Variants in SYNCRIP observed in about 807,000 individuals in gnomAD.
SYNCRIP encodes the protein heterogeneous nuclear ribonucleoprotein Q.
A neutral mutation model predicts 68.9 loss-of-function variants in SYNCRIP; 9 were observed. The observed-to-expected ratio is 0.13, with a 90% confidence interval of 0.08 to 0.23. SYNCRIP has a LOEUF of 0.23. SYNCRIP is among the 10% of genes least tolerant of loss of function. The pLI, the probability that SYNCRIP is intolerant of heterozygous loss-of-function variation, is 1.00. For synonymous variants in SYNCRIP, 258 were observed against 254.0 expected (o/e 1.02, Z -0.15); for missense variants, 414 against 770.6 (o/e 0.54, Z 5.48).
intron 10 of SYNCRIP, among the ~76,000 whole-genome samples, chr6:85,618,490 G>T (rs144964552): frequency 6.6e-6 from 1 of 152,094 alleles, no homozygotes; most frequent in East Asian, 1.9e-4. Flanking sequence ...CCAGTGAGCC[G>T]AAAGAGTGCC....
intron 6 of SYNCRIP, among the ~76,000 whole-genome samples, chr6:85,633,284 A>G (rs1808040270): frequency 6.8e-6 from 1 of 148,136 alleles, no homozygotes; most frequent in Non-Finnish European, 1.5e-5. Context: ...AAATAAATAA[A>G]TAAATAAAAT....
At position 85,626,021 on chromosome 6, in the gene SYNCRIP, A is replaced by C. The variant is rs150440841; in HGVS notation, c.667-1909T>G. 2.1e-3 allele frequency among the ~76,000 whole-genome samples: 323 copies of C among 152,328 alleles called. 1 individual carries two copies. The highest frequency in any genetic ancestry group is 3.1e-3 in the Non-Finnish European group (211 of 68,020). On this transcript the variant is annotated intron_variant, in intron 6 of 10. Transcript: ENST00000369622. Reference sequence around the variant, plus strand: ...GACAGCCTGTCACAAAGAATTATCTAGTCTAAAAGATCAGCAGTGCTGAGG... The same window carrying C: ...GACAGCCTGTCACAAAGAATTATCTCGTCTAAAAGATCAGCAGTGCTGAGG...
At chr6:85,627,992 G>C (rs1357521258) in intron 6 of SYNCRIP, among the ~76,000 whole-genome samples, 1 of 152,130 alleles carries the variant, frequency 6.6e-6, no homozygotes, top group Admixed American at 6.6e-5. Flanking sequence ...ATCCAGAAGA[G>C]GCTGCTTAGT....
intron 7 of SYNCRIP, among the ~76,000 whole-genome samples, chr6:85,623,579 A>AAAAAAAAAAC (rs1554184894): frequency 8.0e-6 from 1 of 125,756 alleles, no homozygotes; most frequent in Non-Finnish European, 1.8e-5. Context: ...AAAAAAAAAA[A>AAAAAAAAAAC]AAAACACTCT....
chr6:85,620,395 T>C (rs1292429603), intron 8 of SYNCRIP, among the ~76,000 whole-genome samples: 2 of 152,170 alleles, frequency 1.3e-5, no homozygotes, highest in African/African-American at 2.4e-5. Context: ...ACTTTAAATA[T>C]GTATTACTAA....
chr6:85,631,011 C>A (rs1180667838), intron 6 of SYNCRIP, among the ~76,000 whole-genome samples: 3 of 152,094 alleles, frequency 2.0e-5, no homozygotes, highest in Non-Finnish European at 4.4e-5. Flanking sequence ...TCAACCCCTA[C>A]GAAAGCAGAA....
At chr6:85,616,491 A>G (rs556964555) in intron 10 of SYNCRIP, among the ~76,000 whole-genome samples, 1 of 152,068 alleles carries the variant, frequency 6.6e-6, no homozygotes, top group South Asian at 2.1e-4. Context: ...ATACCTAGCC[A>G]ATTTTTATTT....
upstream of SYNCRIP, chr6:85,643,310 TTCTC>T (rs1425408052): frequency 6.6e-6 from 1 of 151,684 alleles, no homozygotes; most frequent in African/African-American, 2.4e-5. Context: ...GCTCCTCTCT[TTCTC>T]TCTCCCGCGC....
intron 6 of SYNCRIP, among the ~76,000 whole-genome samples, chr6:85,627,635 A>C (rs1006700183): frequency 3.3e-5 from 5 of 152,192 alleles, no homozygotes; most frequent in African/African-American, 1.2e-4. Flanking sequence ...AATACTAGTA[A>C]ACCCTAACTC....
At chr6:85,637,523 G>A (rs1365550224) in intron 4 of SYNCRIP, among the ~76,000 whole-genome samples, 167 bp from the exon 5 acceptor site, 1 of 152,146 alleles carries the variant, frequency 6.6e-6, no homozygotes, top group Admixed American at 6.5e-5. Context: ...ATGTGTACTT[G>A]TTATACTCCT....
chr6:85,614,787 TA>T lies in SYNCRIP; in HGVS notation c.1840del (p.Tyr614IlefsTer30). 6.2e-7 allele frequency: 1 copy of T among 1,609,254 alleles called. No homozygotes were observed. Among genetic ancestry groups the T allele is most frequent in the East Asian group, 2.2e-5 (1 of 44,868 alleles). On this transcript the variant is annotated frameshift_variant, in exon 11 of 11. Coordinates refer to ENST00000369622, the MANE Select transcript of SYNCRIP (RefSeq NM_006372.5). LOFTEE classifies it high-confidence loss of function. ...CCACTGTTGCCCAAAAGTATCCTGA[TA>T]AAACTCCTGGTTTTCAGATTTGTAA... ...YGYKSENQEF[Y>X]QDTFGQQWK
intron 6 of SYNCRIP, among the ~76,000 whole-genome samples, chr6:85,628,366 T>C (rs1242112099): frequency 1.3e-5 from 2 of 152,246 alleles, no homozygotes; most frequent in African/African-American, 4.8e-5. Context: ...TAAAGATTTC[T>C]TAATTATAAA....
chr6:85,620,148 A>C (rs1258806627), intron 8 of SYNCRIP, among the ~76,000 whole-genome samples: 3 of 152,212 alleles, frequency 2.0e-5, no homozygotes, highest in Non-Finnish European at 4.4e-5. Flanking sequence ...CGGGAGGCTG[A>C]AGCATGAGAA....
intron 4 of SYNCRIP, among the ~76,000 whole-genome samples, chr6:85,639,006 G>A (rs1169077828): frequency 6.6e-6 from 1 of 152,160 alleles, no homozygotes; most frequent in Non-Finnish European, 1.5e-5. Context: ...TCAAGAGATT[G>A]AGACCATCCC....
chr6:85,609,093 C>A (rs1178364332), downstream of SYNCRIP: 1 of 151,880 alleles, frequency 6.6e-6, no homozygotes, highest in East Asian at 1.9e-4. Flanking sequence ...ATTAATTTTA[C>A]ACCCACCAGT....
chr6:85,619,919 TAG>T (rs1342556729), intron 8 of SYNCRIP, among the ~76,000 whole-genome samples: 2 of 152,084 alleles, frequency 1.3e-5, no homozygotes, highest in South Asian at 2.1e-4. Flanking sequence ...CACAAAAACT[TAG>T]AGAGAGATGT....
chr6:85,613,472 C>T (rs1186069340), downstream of SYNCRIP, among the ~76,000 whole-genome samples: 1 of 152,046 alleles, frequency 6.6e-6, no homozygotes, highest in African/African-American at 2.4e-5. Context: ...GCTGTTAAAC[C>T]TTTTCACTGT....
At position 85,615,232 on chromosome 6, in the gene SYNCRIP, A is replaced by C; in HGVS notation, c.1396T>G (p.Tyr466Asp). The C allele has an allele frequency of 6.2e-7, 1 of 1,608,692 alleles. No homozygotes were observed. Among genetic ancestry groups the C allele is most frequent in the Admixed American group, 1.7e-5 (1 of 59,858 alleles). The change falls in exon 11 of 11, where the codon TAT becomes GAT. Residue 466 changes from tyrosine (Y) to aspartate (D), a missense_variant. By Grantham distance (160) the Tyr-to-Asp change is radical. This residue lies in a region of SYNCRIP where 72 missense variants were observed against 119.8 expected (regional missense o/e 0.60). Transcript: ENST00000369622. ...TAATCATAACCATAATAATCATAAT[A>C]ATCTTCATATCCATAATAATCTGGA... ...YPPDYYGYEDYYDYYGYDYHN... is the reference protein window; with the variant it reads ...YPPDYYGYEDDYDYYGYDYHN...
intron 2 of SYNCRIP, 98 bp downstream of exon 2, chr6:85,641,194 A>T: frequency 1.1e-6 from 1 of 942,704 alleles, no homozygotes; most frequent in Non-Finnish European, 1.6e-6. Flanking sequence ...TCCAGTACCC[A>T]CACTTATTGG....
Sources: allele counts gnomAD v4.1 joint callset (sites outside exome capture counted in the v4.1 genomes callset), GRCh38; gene constraint gnomAD v4.1.1; regional missense constraint gnomAD v4.1.1; transcripts MANE v1.5; gene names NCBI Gene and HGNC (gene_info 2026-07-23, HGNC 2026-07-21).